Variants in LEMD3 observed in about 807,000 individuals in gnomAD.
The protein encoded by LEMD3 is inner nuclear membrane protein Man1.
In LEMD3, 33 loss-of-function variants were observed where a neutral mutation model predicts 95.2. The observed-to-expected ratio is 0.35, with a 90% confidence interval of 0.26 to 0.46. The LOEUF (loss-of-function observed/expected upper bound fraction) is 0.46. LEMD3 is among the 20% of genes least tolerant of loss of function. The pLI, the probability that LEMD3 is intolerant of heterozygous loss-of-function variation, is 1.00. For synonymous variants in LEMD3, 525 were observed against 474.6 expected (o/e 1.11, Z -1.38); for missense variants, 1,210 against 1,192.8 (o/e 1.01, Z -0.21).
chr12:65,195,737 T>C (rs1869409881), intron 1 of LEMD3, among the ~76,000 whole-genome samples: 1 of 152,090 alleles, frequency 6.6e-6, no homozygotes, highest in Non-Finnish European at 1.5e-5. Context: ...GTAAAGCTAG[T>C]TATATAGGTT....
chr12:65,203,886 C>T (rs1012114268), intron 1 of LEMD3, among the ~76,000 whole-genome samples: 9 of 152,050 alleles, frequency 5.9e-5, no homozygotes, highest in Non-Finnish European at 7.4e-5. Context: ...ATGTAATGCT[C>T]CTCTTTGTCA....
intron 1 of LEMD3, among the ~76,000 whole-genome samples, chr12:65,193,134 C>A (rs1437022814): frequency 1.3e-5 from 2 of 152,110 alleles, no homozygotes; most frequent in African/African-American, 4.8e-5. Context: ...TCTGCAGCAA[C>A]CTCAGTTCTT....
At chr12:65,172,204 A>G (rs1868572979) in intron 1 of LEMD3, among the ~76,000 whole-genome samples, 1 of 152,204 alleles carries the variant, frequency 6.6e-6, no homozygotes, top group Non-Finnish European at 1.5e-5. Flanking sequence ...ATTGACTAGA[A>G]TGTTTGTGAA....
intron 1 of LEMD3, among the ~76,000 whole-genome samples, chr12:65,207,593 A>C (rs536421089): frequency 2.0e-5 from 3 of 152,156 alleles, no homozygotes; most frequent in Non-Finnish European, 2.9e-5. Flanking sequence ...TTCTGAGAGA[A>C]TATTTTTGTG....
At chr12:65,178,615 C>G (rs1258539106) in intron 1 of LEMD3, among the ~76,000 whole-genome samples, 1 of 152,010 alleles carries the variant, frequency 6.6e-6, no homozygotes, top group African/African-American at 2.4e-5. Flanking sequence ...AATAACTAAC[C>G]CTTACGTAGC....
chr12:65,186,816 A>T (rs1291275680), intron 1 of LEMD3, among the ~76,000 whole-genome samples: 11 of 152,138 alleles, frequency 7.2e-5, no homozygotes, highest in African/African-American at 2.4e-4. Flanking sequence ...ATGGGTTTTG[A>T]TGTTTAAAAT....
intron 4 of LEMD3, among the ~76,000 whole-genome samples, chr12:65,236,922 C>T (rs1269298623): frequency 1.3e-5 from 2 of 152,020 alleles, no homozygotes; most frequent in Non-Finnish European, 2.9e-5. Flanking sequence ...TTTATTTTTA[C>T]TATTTTAATT....
In LEMD3 at chr12:65,241,094, A is replaced by G; in HGVS notation, c.2305+7A>G. 1 of 1,609,686 alleles carries G rather than the reference A, an allele frequency of 6.2e-7. No homozygotes were observed. Among genetic ancestry groups the G allele is most frequent in the South Asian group, 1.1e-5 (1 of 90,984 alleles). On this transcript the variant is annotated splice_region_variant and intron_variant, in intron 9 of 12. Transcript: ENST00000308330. ...AAAGTATGGCAAGGTCAAGGTATGT[A>G]TTTTTAAACATCAAAAAAGTAATTT...
At chr12:65,194,212 A>T (rs1869337490) in intron 1 of LEMD3, among the ~76,000 whole-genome samples, 1 of 152,178 alleles carries the variant, frequency 6.6e-6, no homozygotes. Flanking sequence ...CCTTGTACAT[A>T]CAAAAAGTTA....
intron 2 of LEMD3, among the ~76,000 whole-genome samples, chr12:65,215,415 G>C (rs1400466952): frequency 6.6e-6 from 1 of 151,948 alleles, no homozygotes; most frequent in Non-Finnish European, 1.5e-5. Context: ...TTGTTCACTG[G>C]GTCTCTCGCT....
chr12:65,187,606 A>G (rs1459281014), intron 1 of LEMD3, among the ~76,000 whole-genome samples: 1 of 151,828 alleles, frequency 6.6e-6, no homozygotes, highest in Non-Finnish European at 1.5e-5. Context: ...CCCCTTTAAA[A>G]AAAAAAATCT....
rs147534273 is a variant in LEMD3, at chr12:65,213,087, A to AAGATAGAT, written c.1560+2146_1560+2153dup. On this transcript the variant is annotated intron_variant, in intron 2 of 12. Coordinates refer to ENST00000308330, the MANE Select transcript of LEMD3 (RefSeq NM_014319.5). ...GCCTGAGTGACAGAGCAAGACTGTA[A>AAGATAGAT]AGATAGATAGATAGATAGATAGATA... Among the ~76,000 whole-genome samples, 355 of 152,010 alleles carry AAGATAGAT rather than the reference A, an allele frequency of 2.3e-3. 2 individuals are homozygous for AAGATAGAT. Among genetic ancestry groups the AAGATAGAT allele is most frequent in the African/African-American group, 7.9e-3 (325 of 41,364 alleles).
chr12:65,220,646 A>G (rs1870256653), intron 4 of LEMD3, among the ~76,000 whole-genome samples: 1 of 152,148 alleles, frequency 6.6e-6, no homozygotes, highest in Admixed American at 6.5e-5. Flanking sequence ...TATTGCCCAT[A>G]TCAACGTCAA....
intron 4 of LEMD3, among the ~76,000 whole-genome samples, chr12:65,224,635 C>G (rs1017766200): frequency 2.0e-5 from 3 of 151,970 alleles, no homozygotes; most frequent in Non-Finnish European, 4.4e-5. Flanking sequence ...TGATGAGTAG[C>G]TTGCGTCTTG....
intron 1 of LEMD3, among the ~76,000 whole-genome samples, chr12:65,193,565 C>T (rs2136325789): frequency 6.6e-6 from 1 of 152,190 alleles, no homozygotes; most frequent in African/African-American, 2.4e-5. Context: ...TATGCTGGAG[C>T]CCACTCGCCC....
At chr12:65,213,128 A>G (rs1180292803) in intron 2 of LEMD3, among the ~76,000 whole-genome samples, 2 of 152,194 alleles carry the variant, frequency 1.3e-5, no homozygotes, top group Admixed American at 6.5e-5. Flanking sequence ...AGTAAATAGT[A>G]TATCTCATAA....
At chr12:65,179,819 A>G (rs1868845117) in intron 1 of LEMD3, among the ~76,000 whole-genome samples, 2 of 152,244 alleles carry the variant, frequency 1.3e-5, no homozygotes, top group African/African-American at 4.8e-5. Flanking sequence ...TATACATTAA[A>G]AATTGCTGCC....
intron 1 of LEMD3, 52 bp downstream of exon 1, chr12:65,171,170 C>A: frequency 1.2e-6 from 2 of 1,600,244 alleles, no homozygotes; most frequent in South Asian, 2.2e-5. Flanking sequence ...TGTTAGTGGT[C>A]CGCTTTAGCC....
At chr12:65,229,134 G>A (rs563040371) in intron 4 of LEMD3, among the ~76,000 whole-genome samples, 40 of 152,254 alleles carry the variant, frequency 2.6e-4, no homozygotes, top group South Asian at 1.7e-3. Context: ...CCACAAGTGA[G>A]AATATATGGT....
Sources: gnomAD v4.1 joint callset for allele counts (sites outside exome capture counted in the v4.1 genomes callset) on GRCh38, gnomAD v4.1.1 for gene constraint, MANE v1.5 for transcripts, NCBI Gene and HGNC (gene_info 2026-07-23, HGNC 2026-07-21) for gene names.